The following AKAP9 variants were observed in gnomAD, a reference collection of about 807,000 sequenced individuals.
AKAP9 encodes A-kinase anchor protein 9.
In AKAP9, 311 loss-of-function variants were observed where a neutral mutation model predicts 488.5. That is an observed-to-expected ratio of 0.64 (90% confidence interval 0.58 to 0.70). The LOEUF is 0.70. Among genes scored for constraint, AKAP9 ranks in the 30% least tolerant of loss-of-function variants. The pLI is 0.00. For synonymous variants in AKAP9, 1,462 were observed against 1,483.5 expected (o/e 0.99, Z 0.33); for missense variants, 4,215 against 4,374.5 (o/e 0.96, Z 1.03).
At chr7:92,016,577 T>G (rs945175943) in intron 11 of AKAP9, among the ~76,000 whole-genome samples, 1 of 152,066 alleles carries the variant, frequency 6.6e-6, no homozygotes, top group Non-Finnish European at 1.5e-5. Flanking sequence ...TTAAAGTTAT[T>G]GTATTTATTG....
At chr7:92,058,929 C>G (rs1488783926) in intron 22 of AKAP9, among the ~76,000 whole-genome samples, 1 of 151,794 alleles carries the variant, frequency 6.6e-6, no homozygotes, top group Non-Finnish European at 1.5e-5. Context: ...GGAACAAGAC[C>G]CTTTTCTGCT....
chr7:92,001,443 AG>A lies in AKAP9; in HGVS notation c.1528del (p.Glu510LysfsTer7). The A allele has an allele frequency of 6.2e-7, 1 of 1,613,906 alleles. No homozygotes were observed. The highest frequency in any genetic ancestry group is 8.5e-7 in the Non-Finnish European group (1 of 1,179,856). On this transcript the variant is annotated frameshift_variant, in exon 8 of 50. Coordinates refer to ENST00000356239, the MANE Select transcript of AKAP9 (RefSeq NM_005751.5). LOFTEE classifies it high-confidence loss of function. The stretch of plus-strand genomic sequence containing the variant: ...AAATTGCAAGATACTAACTCTCAAA[AG>A]GAAAAACTCAAGGAAGAACTAGGAC... ...NIKLQDTNSQKEKLKEELGLI... is the reference protein window; with the variant it reads ...NIKLQDTNSQXEKLKEELGLI...
In AKAP9 at chr7:92,079,777, A is replaced by T; in HGVS notation, c.7644A>T (p.Glu2548Asp). The T allele has an allele frequency of 6.2e-7, 1 of 1,614,116 alleles. No individual in the cohort carries two copies. The highest frequency in any genetic ancestry group is 8.5e-7 in the Non-Finnish European group (1 of 1,180,004). Residue 2548 changes from glutamate to aspartate, a missense_variant, in exon 31 of 50, where the codon GAA becomes GAT. Around this residue, in one of 5 missense-constraint regions of AKAP9, gnomAD observed 1,476 missense variants for 1,477.4 expected, o/e 1.00. Coordinates refer to ENST00000356239, the MANE Select transcript of AKAP9 (RefSeq NM_005751.5). ...KKIVNLQKIV[E>D]EKVAAALVSQ... is the part of the protein sequence containing the mutation. Reference sequence around the variant, plus strand: ...TTGTAAACCTACAGAAAATAGTTGAAGAAAAAGTGGCTGCTGCTCTTGTCA... The same window carrying T: ...TTGTAAACCTACAGAAAATAGTTGATGAAAAAGTGGCTGCTGCTCTTGTCA...
chr7:91,974,842 A>G (rs1386188026), intron 2 of AKAP9, among the ~76,000 whole-genome samples: 2 of 151,358 alleles, frequency 1.3e-5, no homozygotes, highest in East Asian at 1.9e-4. Flanking sequence ...TTTTATTTTT[A>G]TTTTAATTTT....
intron 6 of AKAP9, 76 bp downstream of exon 6, chr7:91,994,852 C>T: frequency 7.1e-7 from 1 of 1,411,108 alleles, no homozygotes; most frequent in Non-Finnish European, 9.8e-7. Context: ...AAGAACAAAT[C>T]TAAATTTGTT....
chr7:91,943,651 T>A (rs1032528588), intron 1 of AKAP9, among the ~76,000 whole-genome samples: 2 of 152,244 alleles, frequency 1.3e-5, no homozygotes, highest in African/African-American at 4.8e-5. Context: ...AAGAAAGCTT[T>A]ACTATTGATA....
intron 24 of AKAP9, among the ~76,000 whole-genome samples, chr7:92,064,670 C>G (rs1347640237): frequency 2.0e-5 from 3 of 152,134 alleles, no homozygotes; most frequent in African/African-American, 4.8e-5. Flanking sequence ...TGTGACCATG[C>G]AAAAGCAACT....
At chr7:92,097,461 AT>A in intron 41 of AKAP9, 104 bp downstream of exon 41, 1 of 1,516,768 alleles carries the variant, frequency 6.6e-7, no homozygotes, top group South Asian at 1.2e-5. Flanking sequence ...CTATATGTAA[AT>A]CACTTAAAAA....
At chr7:91,995,890 G>A in intron 7 of AKAP9, 90 bp downstream of exon 7, 2 of 907,828 alleles carry the variant, frequency 2.2e-6, no homozygotes, top group Admixed American at 2.6e-5. Context: ...TTAGGCACAT[G>A]AATCACAAAA....
intron 8 of AKAP9, among the ~76,000 whole-genome samples, chr7:92,007,051 G>A (rs532256231): frequency 1.3e-5 from 2 of 152,108 alleles, no homozygotes; most frequent in African/African-American, 2.4e-5. Flanking sequence ...GAATAAAAGG[G>A]GGGGAATAAA....
At chr7:92,109,115 C>G (rs1352232237) in intron 49 of AKAP9, 1 of 241,354 alleles carries the variant, frequency 4.1e-6, no homozygotes, top group Non-Finnish European at 8.2e-6. Context: ...GAAGCACTTA[C>G]TTTAAGCACT....
chr7:91,954,263 G>A (rs899133274), intron 1 of AKAP9, among the ~76,000 whole-genome samples: 2 of 152,112 alleles, frequency 1.3e-5, no homozygotes, highest in East Asian at 3.9e-4. Flanking sequence ...CTATCCAATG[G>A]AATTGTTTCC....
chr7:91,982,355 C>A (rs376371624), intron 3 of AKAP9, among the ~76,000 whole-genome samples: 1 of 151,844 alleles, frequency 6.6e-6, no homozygotes, highest in Non-Finnish European at 1.5e-5. Context: ...CCCCACCCCT[C>A]GACAGGCCCC....
intron 1 of AKAP9, among the ~76,000 whole-genome samples, chr7:91,970,876 G>A (rs1584635485): frequency 6.6e-6 from 1 of 152,036 alleles, no homozygotes; most frequent in South Asian, 2.1e-4. Flanking sequence ...CCTATACCTG[G>A]ATATTTTATC....
chr7:92,042,826 T>C (rs1806338351), intron 20 of AKAP9, 55 bp downstream of exon 20: 1 of 1,185,824 alleles, frequency 8.4e-7, no homozygotes, highest in African/African-American at 1.5e-5. Flanking sequence ...GTTGTTTCAA[T>C]GTAATAGACT....
intron 1 of AKAP9, among the ~76,000 whole-genome samples, chr7:91,961,079 C>A (rs1462701049): frequency 6.6e-6 from 1 of 152,152 alleles, no homozygotes; most frequent in Non-Finnish European, 1.5e-5. Context: ...TAGCACAGTG[C>A]CTGGCACATA....
chr7:91,953,702 AG>A (rs1792570952), intron 1 of AKAP9, among the ~76,000 whole-genome samples: 1 of 152,200 alleles, frequency 6.6e-6, no homozygotes, highest in South Asian at 2.1e-4. Context: ...TCAGATAATG[AG>A]GAGCCACATA....
At chr7:92,029,330 A>G (rs893265485) in intron 14 of AKAP9, among the ~76,000 whole-genome samples, 9 of 152,236 alleles carry the variant, frequency 5.9e-5, no homozygotes, top group South Asian at 2.1e-4. Context: ...GAGTTCCACT[A>G]GAGGTAAACA....
At chr7:92,073,832 A>T (rs981261710) in intron 28 of AKAP9, among the ~76,000 whole-genome samples, 6 of 152,182 alleles carry the variant, frequency 3.9e-5, no homozygotes, top group Admixed American at 6.5e-5. Context: ...CATGCAAATC[A>T]CCCAGGGATC....
Sources: gnomAD v4.1 joint callset for allele counts (sites outside exome capture counted in the v4.1 genomes callset) on GRCh38, gnomAD v4.1.1 for gene constraint, gnomAD v4.1.1 regional missense constraint, MANE v1.5 for transcripts, NCBI Gene and HGNC (gene_info 2026-07-23, HGNC 2026-07-21) for gene names.